The following SESTD1 variants were observed in gnomAD, a reference collection of about 807,000 sequenced individuals.
The protein encoded by SESTD1 is SEC14 and spectrin domain containing 1.
In SESTD1, 43 loss-of-function variants were observed where a neutral mutation model predicts 101.7. The observed-to-expected ratio is 0.42, with a 90% CI of 0.33 to 0.55. SESTD1 has a LOEUF of 0.55. Ranked by LOEUF, SESTD1 falls within the 20% of genes least tolerant of loss-of-function variation. The pLI is 0.07. For missense variants in SESTD1, 647 were observed against 815.1 expected (o/e 0.79, Z 2.51); for synonymous variants, 283 against 286.8 (o/e 0.99, Z 0.13).
At chr2:179,248,089 A>T (rs566480592) in intron 1 of SESTD1, among the ~76,000 whole-genome samples, 1 of 152,040 alleles carries the variant, frequency 6.6e-6, no homozygotes, top group Non-Finnish European at 1.5e-5. Context: ...GAGACGACAC[A>T]GATTACCAGT....
chr2:179,253,438 T>C (rs1157795360), intron 1 of SESTD1, among the ~76,000 whole-genome samples: 1 of 152,198 alleles, frequency 6.6e-6, no homozygotes, highest in Non-Finnish European at 1.5e-5. Flanking sequence ...TAGGATACTG[T>C]TAGTGGAAAC....
chr2:179,140,861 AAT>A (rs1318472784), intron 9 of SESTD1, among the ~76,000 whole-genome samples: 47 of 152,244 alleles, frequency 3.1e-4, no homozygotes, highest in African/African-American at 1.1e-3. Context: ...CCTTCCCTGA[AAT>A]GCTTTCTTCC....
At chr2:179,149,521 A>G (rs2045473552) in intron 6 of SESTD1, 127 bp from the exon 7 acceptor site, 4 of 580,366 alleles carry the variant, frequency 6.9e-6, no homozygotes, top group Non-Finnish European at 1.1e-5. Context: ...AGTTCGTGCA[A>G]TTCTACCACC....
intron 2 of SESTD1, among the ~76,000 whole-genome samples, chr2:179,186,468 A>C (rs1426303554): frequency 2.0e-5 from 3 of 152,170 alleles, no homozygotes; most frequent in African/African-American, 7.2e-5. Flanking sequence ...CAGTGTACTG[A>C]AACTTTCTCA....
chr2:179,221,474 G>A (rs888923240), intron 1 of SESTD1, among the ~76,000 whole-genome samples: 14 of 151,848 alleles, frequency 9.2e-5, no homozygotes, highest in Admixed American at 2.6e-4. Flanking sequence ...TTAGCCAGGC[G>A]TGGAGGTGCA....
At chr2:179,183,918 G>A (rs2046164170) in intron 2 of SESTD1, among the ~76,000 whole-genome samples, 1 of 145,646 alleles carries the variant, frequency 6.9e-6, no homozygotes, top group Admixed American at 6.8e-5. Flanking sequence ...GGGAGGGAGG[G>A]AGGGAAAGGA....
intron 8 of SESTD1, among the ~76,000 whole-genome samples, chr2:179,146,139 T>C (rs963728606): frequency 1.3e-5 from 2 of 151,830 alleles, no homozygotes; most frequent in African/African-American, 4.8e-5. Flanking sequence ...TTGTGAACTA[T>C]GCACGCGAGG....
intron 1 of SESTD1, among the ~76,000 whole-genome samples, chr2:179,211,715 G>A (rs769071303): frequency 7.4e-6 from 1 of 134,290 alleles, no homozygotes; most frequent in Non-Finnish European, 1.6e-5. Flanking sequence ...CAGCAACCTG[G>A]ATGCAGATGG....
chr2:179,183,193 T>TA lies in SESTD1; in HGVS notation c.56-6dup. On this transcript the variant is annotated splice_region_variant and splice_polypyrimidine_tract_variant and intron_variant, in intron 2 of 17. Transcript: ENST00000428443. ...CACTCCGTCTGTCTTTTCCTCCTAT[T>TA]AAAAAAGAGATTTAAATTTAACATG... is the stretch of plus-strand genomic sequence containing the variant. 1 of 1,577,432 alleles carries TA rather than the reference T, an allele frequency of 6.3e-7. No homozygotes were observed. The highest frequency in any genetic ancestry group is 8.7e-7 in the Non-Finnish European group (1 of 1,152,250).
Position 179,105,781 on chromosome 2 carries a change from A to G in SESTD1, c.*4118T>C, listed in dbSNP as rs1280596385. On this transcript the variant is annotated 3_prime_UTR_variant, in exon 18 of 18. Transcript: ENST00000428443. ...TTTACAGCCTGAGATAAATTCTCAG[A>G]TATTTTTTTAACAGTAAATGGCAAA... 6.6e-6 allele frequency: 1 copy of G among 152,176 alleles called. No individual in the cohort carries two copies. Among genetic ancestry groups the G allele is most frequent in the Non-Finnish European group, 1.5e-5 (1 of 68,034 alleles). 9.4% of individuals were successfully genotyped at this position (152,176 alleles called of 1,614,324 possible). A position where few individuals can be genotyped will look rare whatever the true frequency, so the allele number is the denominator to read the frequency against.
intron 1 of SESTD1, among the ~76,000 whole-genome samples, chr2:179,234,683 T>C (rs114898008): frequency 1.4e-4 from 22 of 152,208 alleles, no homozygotes; most frequent in African/African-American, 5.1e-4. Context: ...TGACAAGAGA[T>C]TCTGAAGACA....
chr2:179,217,312 G>A (rs557197586), intron 1 of SESTD1, among the ~76,000 whole-genome samples: 6 of 152,220 alleles, frequency 3.9e-5, no homozygotes, highest in African/African-American at 1.4e-4. Context: ...ATCAAAAAGT[G>A]GGCAAAGGAT....
intron 1 of SESTD1, among the ~76,000 whole-genome samples, chr2:179,238,863 T>C (rs972200475): frequency 6.6e-6 from 1 of 152,192 alleles, no homozygotes; most frequent in African/African-American, 2.4e-5. Flanking sequence ...CTCCTTCTTT[T>C]CTTCCTCTGC....
In SESTD1 at chr2:179,201,341, C is replaced by G. The variant is rs1304340785; in HGVS notation, c.-25-9475G>C. Reference sequence around the variant, plus strand: ...CTGTTGGTGGGACTGTGAACTAGTTCAACCATTGTGGAAGTCAGTGTGGCG... The same window carrying G: ...CTGTTGGTGGGACTGTGAACTAGTTGAACCATTGTGGAAGTCAGTGTGGCG... On this transcript the variant is annotated intron_variant, in intron 1 of 17. Transcript: ENST00000428443. 1.6e-5 allele frequency among the ~76,000 whole-genome samples: 2 copies of G among 125,536 alleles called. 1 individual carries two copies. Among genetic ancestry groups the G allele is most frequent in the Non-Finnish European group, 3.3e-5 (2 of 61,274 alleles). The allele number at this position is 125,536 out of a possible 152,430, so 82.4% of individuals were successfully genotyped here. A position where few individuals can be genotyped will look rare whatever the true frequency, so the allele number is the denominator to read the frequency against.
Position 179,108,536 on chromosome 2 carries a change from T to C in SESTD1, c.*1363A>G, listed in dbSNP as rs1382269325. The C allele has an allele frequency of 6.6e-6, 1 of 151,868 alleles. No homozygotes were observed. Among genetic ancestry groups the C allele is most frequent in the Admixed American group, 6.6e-5 (1 of 15,228 alleles). 9.4% of individuals were successfully genotyped at this position (151,868 alleles called of 1,614,324 possible). On this transcript the variant is annotated 3_prime_UTR_variant, in exon 18 of 18. Transcript: ENST00000428443. ...GATGTAGGGGCACTGGATGTGGATT[T>C]CTCCAAGAAGTCTGTCAGTCAGTGA...
At chr2:179,253,406 A>G (rs865889863) in intron 1 of SESTD1, among the ~76,000 whole-genome samples, 43 of 152,196 alleles carry the variant, frequency 2.8e-4, no homozygotes, top group African/African-American at 1.0e-3. Context: ...CTGGTTTCTT[A>G]GTTTTGACAA....
At position 179,183,153 on chromosome 2, in the gene SESTD1, T is replaced by C. The variant is rs747203289; in HGVS notation, c.91A>G (p.Ile31Val). Residue 31 changes from isoleucine to valine, a missense_variant, in exon 3 of 18, where the codon ATT (isoleucine) becomes GTT (valine). Coordinates refer to ENST00000428443, the MANE Select transcript of SESTD1 (RefSeq NM_178123.5). ...TTTGTCTGTTCGAGGCATAATGGAATTGTCAAAATGAGGCCACTCCGTCTG... is the reference window on the plus strand; with the variant it reads ...TTTGTCTGTTCGAGGCATAATGGAACTGTCAAAATGAGGCCACTCCGTCTG... Reference protein sequence around the residue: ...KDRRSGLILTIPLCLEQTNMD... With the variant: ...KDRRSGLILTVPLCLEQTNMD... 6.6e-5 allele frequency: 106 copies of C among 1,611,974 alleles called. No homozygotes were observed. Among genetic ancestry groups the C allele is most frequent in the Non-Finnish European group, 8.8e-5 (104 of 1,178,970 alleles).
intron 13 of SESTD1, among the ~76,000 whole-genome samples, chr2:179,120,135 A>G (rs889430087): frequency 2.0e-5 from 3 of 152,122 alleles, no homozygotes; most frequent in African/African-American, 7.2e-5. Context: ...AGGCTGAGGC[A>G]GAAGAATCGC....
At chr2:179,241,088 TAA>T (rs2047146094) in intron 1 of SESTD1, among the ~76,000 whole-genome samples, 2 of 151,784 alleles carry the variant, frequency 1.3e-5, no homozygotes, top group Non-Finnish European at 2.9e-5. Context: ...AAAAGTGCAG[TAA>T]ATGGGATAAA....
Sources: gnomAD v4.1 joint callset for allele counts (sites outside exome capture counted in the v4.1 genomes callset) on GRCh38, gnomAD v4.1.1 for gene constraint, MANE v1.5 for transcripts, NCBI Gene and HGNC (gene_info 2026-07-23, HGNC 2026-07-21) for gene names.